DIPK1B: variants seen among roughly 807,000 people sequenced by gnomAD.
The protein encoded by DIPK1B is family with sequence similarity 69 member B.
DIPK1B carries 17 observed loss-of-function variants against 20.7 expected under a neutral mutation model. The ratio of observed to expected loss-of-function variants is 0.82; its 90% CI spans 0.56 to 1.23. The LOEUF (loss-of-function observed/expected upper bound fraction) is 1.23. Among genes scored for constraint, DIPK1B ranks in the 50% most tolerant of loss-of-function variants. The pLI, the probability that DIPK1B is intolerant of heterozygous loss-of-function variation, is 0.00. For missense variants in DIPK1B, 648 were observed against 601.8 expected (o/e 1.08, Z -0.80); for synonymous variants, 343 against 276.5 (o/e 1.24, Z -2.39).
chr9:136,719,608 T>G (rs1588283283), intron 2 of DIPK1B, among the ~76,000 whole-genome samples: 1 of 152,180 alleles, frequency 6.6e-6, no homozygotes, highest in East Asian at 1.9e-4. Context: ...GGGACCGATG[T>G]GCGGCAAGGG....
rs1303818383 is a variant in DIPK1B at position 136,713,558 on chromosome 9, G to A, written c.63+830G>A. ...CACAGATTGCAGCGAGACCCTCTGT[G>A]CCCACTTGGGGCTTCAGGTTGTGGT... is the stretch of plus-strand genomic sequence containing the variant. On this transcript the variant is annotated intron_variant, in intron 1 of 4. Coordinates refer to ENST00000371692, the MANE Select transcript of DIPK1B (RefSeq NM_152421.4). Among the ~76,000 whole-genome samples, 3 of 152,248 alleles carry A rather than the reference G, an allele frequency of 2.0e-5. No homozygotes were observed. In the South Asian group the frequency reaches 6.2e-4, roughly 31 times the overall value.
intron 1 of DIPK1B, among the ~76,000 whole-genome samples, chr9:136,715,980 C>A (rs1846490926): frequency 1.3e-5 from 2 of 152,164 alleles, no homozygotes; most frequent in East Asian, 3.9e-4. Context: ...TCCCAGCCCG[C>A]GGCTCCCTCT....
At chr9:136,720,297 G>T (rs755523788) in intron 2 of DIPK1B, among the ~76,000 whole-genome samples, 2 of 152,144 alleles carry the variant, frequency 1.3e-5, no homozygotes, top group African/African-American at 2.4e-5. Context: ...CGGGGTCCTC[G>T]GCCTCCAGTT....
chr9:136,719,960 G>GCTGGGGCTCCGGGTGCAGGGGCTGGT (rs1380124254), intron 2 of DIPK1B, among the ~76,000 whole-genome samples: 2 of 145,808 alleles, frequency 1.4e-5, no homozygotes, highest in African/African-American at 5.1e-5. Context: ...GGCTGTGTGG[G>GCTGGGGCTCCGGGTGCAGGGGCTGGT]CTGGGGCTCC....
rs1846664997 is a variant in DIPK1B at position 136,724,026 on chromosome 9, G to C, written c.*252G>C. 5 of 533,254 alleles carry C rather than the reference G, an allele frequency of 9.4e-6. No homozygotes were observed. The Admixed American group carries it at 1.7e-4, about 18-fold the overall frequency. 33.0% of individuals were successfully genotyped at this position (533,254 alleles called of 1,614,324 possible). On this transcript the variant is annotated 3_prime_UTR_variant, in exon 5 of 5. Transcript: ENST00000371692. ...CTGAAGAACGTAATGTCAATAAACA[G>C]CTTTTATGTAATGCCCAGGGCTGAG...
rs747991681 is a variant in DIPK1B at position 136,723,051 on chromosome 9, G to T, written c.573G>T (p.Leu191=). The change falls in exon 5 of 5, where the codon CTG becomes CTT. Residue 191 remains leucine, a synonymous_variant. Coordinates refer to ENST00000371692, the MANE Select transcript of DIPK1B (RefSeq NM_152421.4). ...TCAACAAGGACAACCGGGTGTCCCT[G>T]GCGGAAGCCAAGTCCGTGTGGGCCC... ...ADFNKDNRVS[L]AEAKSVWALL... 6.2e-7 allele frequency: 1 copy of T among 1,613,536 alleles called. No homozygotes were observed. The highest frequency in any genetic ancestry group is 8.5e-7 in the Non-Finnish European group (1 of 1,180,036).
At chr9:136,716,448 A>G (rs1846497978) in intron 1 of DIPK1B, among the ~76,000 whole-genome samples, 1 of 151,530 alleles carries the variant, frequency 6.6e-6, no homozygotes, top group Non-Finnish European at 1.5e-5. Context: ...TTGTATTTTT[A>G]GTAGAGATGG....
chr9:136,722,921 A>C (rs766502843), intron 4 of DIPK1B, 41 bp from the exon 5 acceptor site: 5 of 1,547,554 alleles, frequency 3.2e-6, no homozygotes. Context: ...CCCAGACATC[A>C]AATCAGCTGG....
rs150233867 is a variant in DIPK1B, at chr9:136,723,067, G to C, written c.589G>C (p.Val197Leu). 1.2e-6 allele frequency: 2 copies of C among 1,613,574 alleles called. No homozygotes were observed. Among genetic ancestry groups the C allele is most frequent in the Non-Finnish European group, 1.7e-6 (2 of 1,180,032 alleles). Residue 197 changes from valine to leucine, a missense_variant, in exon 5 of 5, where the codon GTG (valine) becomes CTG (leucine). Transcript: ENST00000371692. ...GGTGTCCCTGGCGGAAGCCAAGTCC[G>C]TGTGGGCCCTGCTGCAGCGTAACGA... ...NRVSLAEAKS[V>L]WALLQRNEFL...
chr9:136,716,870 C>G (rs1846504575), intron 1 of DIPK1B, among the ~76,000 whole-genome samples: 1 of 151,844 alleles, frequency 6.6e-6, no homozygotes, highest in Non-Finnish European at 1.5e-5. Context: ...TGGGCGCGCT[C>G]ACCTGGCCTT....
rs763968539 is a variant in DIPK1B, at chr9:136,722,289, C to T, written c.471C>T (p.Leu157=). ...TCAAGGAATTCCGGGAGATGACCCT[C>T]AGCTTCCTCAAGGTCAGGCAGCTCT... ...TSIKEFREMT[L]SFLKANLGDL... The change falls in exon 4 of 5, where the codon CTC becomes CTT. Residue 157 remains leucine (L), a synonymous_variant. Transcript: ENST00000371692. The T allele has an allele frequency of 9.3e-6, 15 of 1,612,792 alleles. No homozygotes were observed. Among genetic ancestry groups the T allele is most frequent in the South Asian group, 5.5e-5 (5 of 90,942 alleles).
At chr9:136,722,826 G>A in intron 4 of DIPK1B, 136 bp from the exon 5 acceptor site, 1 of 850,914 alleles carries the variant, frequency 1.2e-6, no homozygotes, top group Non-Finnish European at 1.8e-6. Context: ...TGTAGCTGTG[G>A]GCTGGGACCC....
Position 136,712,689 on chromosome 9 carries a change from G to A in DIPK1B, c.24G>A (p.Ala8=), listed in dbSNP as rs976869893. MRRLRRL[A]HLVLFCPFSK... ...CCATGCGGCGGCTGCGGCGCCTGGC[G>A]CACCTGGTGCTCTTCTGCCCCTTCT... Residue 8 remains alanine (A), a synonymous_variant, in exon 1 of 5, where the codon GCG becomes GCA. Transcript: ENST00000371692. The surrounding 1 kb of genome is among the most constrained non-coding windows in gnomAD (Gnocchi z 5.6). The A allele has an allele frequency of 2.3e-6, 3 of 1,329,054 alleles. No individual in the cohort carries two copies. The highest frequency in any genetic ancestry group is 2.9e-6 in the Non-Finnish European group (3 of 1,039,996). The allele number at this position is 1,329,054 out of a possible 1,614,324, so 82.3% of individuals were successfully genotyped here. A position where few individuals can be genotyped will look rare whatever the true frequency, so the allele number is the denominator to read the frequency against.
chr9:136,723,261 G>A lies in DIPK1B; in HGVS notation c.783G>A (p.Gln261=). 1 of 1,612,698 alleles carries A rather than the reference G, an allele frequency of 6.2e-7. No individual in the cohort carries two copies. The highest frequency in any genetic ancestry group is 8.5e-7 in the Non-Finnish European group (1 of 1,179,776). The change falls in exon 5 of 5, where the codon CAG becomes CAA. Residue 261 remains glutamine (Q), a synonymous_variant. Coordinates refer to ENST00000371692, the MANE Select transcript of DIPK1B (RefSeq NM_152421.4). ...CGCCTGCCCTGCAGGGTGCTCTCCAGCAGTGGCTGGGGCCTGCGTGGCCTT... is the reference window on the plus strand; with the variant it reads ...CGCCTGCCCTGCAGGGTGCTCTCCAACAGTGGCTGGGGCCTGCGTGGCCTT... The part of the protein sequence containing the change: ...LLPPALQGAL[Q]QWLGPAWPWR...
At position 136,723,505 on chromosome 9, in the gene DIPK1B, G is replaced by A. The variant is rs1012248039; in HGVS notation, c.1027G>A (p.Gly343Arg). ...CGAGCACAGCACCGACTGCACCTAC[G>A]GGCGCGACTGCAGGGCCCCGTGTGA... ...RCEHSTDCTY[G>R]RDCRAPCDRL... The change falls in exon 5 of 5, where the codon GGG (glycine) becomes AGG (arginine). Residue 343 changes from glycine (G) to arginine (R), a missense_variant. Transcript: ENST00000371692. 6.9e-6 allele frequency: 11 copies of A among 1,604,724 alleles called. No homozygotes were observed. The highest frequency in any genetic ancestry group is 2.2e-5 in the East Asian group (1 of 44,520).
At chr9:136,713,455 T>C (rs1846454063) in intron 1 of DIPK1B, among the ~76,000 whole-genome samples, 1 of 152,342 alleles carries the variant, frequency 6.6e-6, no homozygotes, top group East Asian at 1.9e-4. Context: ...GGAGGAACCC[T>C]GCCTGCGTCC....
At position 136,721,915 on chromosome 9, in the gene DIPK1B, C is replaced by T. The variant is rs1452970874; in HGVS notation, c.199-6C>T. On this transcript the variant is annotated splice_polypyrimidine_tract_variant and splice_region_variant and intron_variant, in intron 2 of 4. Transcript: ENST00000371692. ...CCGCCCGGCACGCCTGCACCTGTCT[C>T]CTCAGTGTGACCAGTACCGCAAGGG... 6.2e-7 allele frequency: 1 copy of T among 1,612,624 alleles called. No individual in the cohort carries two copies. Among genetic ancestry groups the T allele is most frequent in the Non-Finnish European group, 8.5e-7 (1 of 1,179,806 alleles).
rs73554042 is a variant in DIPK1B, at chr9:136,721,570, G to A, written c.199-351G>A. On this transcript the variant is annotated intron_variant, in intron 2 of 4. Coordinates refer to ENST00000371692, the MANE Select transcript of DIPK1B (RefSeq NM_152421.4). ...TGGTCCAGAGCTGGGTCGGCTGGGC[G>A]GAGAGCTGCCTCCAGGTTCCTGCCT... The A allele has an allele frequency of 9.2e-3, 2,705 of 293,566 alleles. 60 individuals carry two copies. The highest frequency in any genetic ancestry group is 0.054 in the African/African-American group (2,499 of 45,960). The allele number at this position is 293,566 out of a possible 1,614,324, so 18.2% of individuals were successfully genotyped here. A position where few individuals can be genotyped will look rare whatever the true frequency, so the allele number is the denominator to read the frequency against.
In DIPK1B at chr9:136,723,289, C is replaced by T. The variant is rs767285069; in HGVS notation, c.811C>T (p.Arg271Trp). Residue 271 changes from arginine to tryptophan, a missense_variant, in exon 5 of 5, where the codon CGG (arginine) becomes TGG (tryptophan). Transcript: ENST00000371692. ...QQWLGPAWPW[R>W]AKIAIGLLEF... ...GTGGCTGGGGCCTGCGTGGCCTTGG[C>T]GGGCCAAGATCGCCATCGGCCTGCT... 40 of 1,612,298 alleles carry T rather than the reference C, an allele frequency of 2.5e-5. No individual in the cohort carries two copies. Among genetic ancestry groups the T allele is most frequent in the African/African-American group, 8.0e-5 (6 of 74,916 alleles).
Sources: gnomAD v4.1 joint callset for allele counts (sites outside exome capture counted in the v4.1 genomes callset) on GRCh38, gnomAD v4.1.1 for gene constraint, Gnocchi (gnomAD v3.1) non-coding constraint, MANE v1.5 for transcripts, NCBI Gene and HGNC (gene_info 2026-07-23, HGNC 2026-07-21) for gene names.